Variants in AASDH observed in about 807,000 individuals in gnomAD.
AASDH encodes aminoadipate-semialdehyde dehydrogenase.
Under a neutral mutation model 102.3 loss-of-function variants are expected in AASDH, and 81 were observed. That is an observed-to-expected ratio of 0.79 (90% CI 0.66 to 0.95). AASDH has a LOEUF of 0.95. Ranked by LOEUF, AASDH falls within the 40% of genes least tolerant of loss-of-function variation. AASDH has a pLI of 0.00. For synonymous variants in AASDH, 398 were observed against 454.0 expected (o/e 0.88, Z 1.57); for missense variants, 1,203 against 1,266.2 (o/e 0.95, Z 0.76).
rs1748705549 is a variant in AASDH, at chr4:56,349,395, A to G, written c.2356T>C (p.Tyr786His). ...ATTCTATGAGAATGGGAACCAATGTACACAGTTGTAGATGACTTATCAAAA... is the reference window on the plus strand; with the variant it reads ...ATTCTATGAGAATGGGAACCAATGTGCACAGTTGTAGATGACTTATCAAAA... ...PTFDKSSTTVYIGSHSHRMKA... is the reference protein window; with the variant it reads ...PTFDKSSTTVHIGSHSHRMKA... Residue 786 changes from tyrosine (Y) to histidine (H), a missense_variant, in exon 11 of 15, where the codon TAC becomes CAC. Transcript: ENST00000205214. 1.2e-6 allele frequency: 2 copies of G among 1,614,094 alleles called. No individual in the cohort carries two copies. The highest frequency in any genetic ancestry group is 1.7e-5 in the Admixed American group (1 of 60,004).
At chr4:56,361,073 T>G (rs1229095735) in intron 5 of AASDH, among the ~76,000 whole-genome samples, 1 of 152,086 alleles carries the variant, frequency 6.6e-6, no homozygotes, top group Non-Finnish European at 1.5e-5. Flanking sequence ...AATATCAACT[T>G]TGAACTCAAT....
chr4:56,370,567 A>G (rs78254405), intron 5 of AASDH, among the ~76,000 whole-genome samples: 2,444 of 152,248 alleles, frequency 0.016, 75 homozygotes, highest in African/African-American at 0.055. Flanking sequence ...TGAGGACCCA[A>G]TGAAAAGACC....
intron 11 of AASDH, among the ~76,000 whole-genome samples, chr4:56,348,106 G>A (rs982551221): frequency 3.3e-5 from 5 of 150,690 alleles, no homozygotes; most frequent in African/African-American, 7.3e-5. Context: ...AACCAAGATC[G>A]CGCCACTGCA....
intron 5 of AASDH, among the ~76,000 whole-genome samples, chr4:56,366,480 T>C (rs866158344): frequency 6.6e-6 from 1 of 152,182 alleles, no homozygotes; most frequent in Non-Finnish European, 1.5e-5. Flanking sequence ...AATAAAATAC[T>C]GGCAAACCGA....
chr4:56,383,958 A>G, intron 2 of AASDH, 112 bp downstream of exon 2: 1 of 865,044 alleles, frequency 1.2e-6, no homozygotes, highest in Non-Finnish European at 1.8e-6. Context: ...ACAATTGACC[A>G]AACAATATAG....
Position 56,354,144 on chromosome 4 carries a change from T to C in AASDH, c.1278A>G (p.Thr426=), listed in dbSNP as rs1016341083. The C allele has an allele frequency of 1.2e-6, 2 of 1,613,190 alleles. No individual in the cohort carries two copies. The highest frequency in any genetic ancestry group is 2.7e-5 in the African/African-American group (2 of 75,034). Residue 426 remains threonine (T), a synonymous_variant, in exon 8 of 15, where the codon ACA becomes ACG. Transcript: ENST00000205214. ...VTVPLGTMRA[T]GDFVTVKDGE... is the part of the protein sequence containing the mutation. The stretch of plus-strand genomic sequence containing the variant: ...CATCTTTCACAGTCACAAAGTCTCC[T>C]GTAGCTCGCATTGTGCCAAGTGGTA...
chr4:56,377,587 A>T (rs932862713), intron 4 of AASDH, among the ~76,000 whole-genome samples: 1 of 152,188 alleles, frequency 6.6e-6, no homozygotes, highest in African/African-American at 2.4e-5. Context: ...TTTATTAATA[A>T]TTAAGATGCA....
chr4:56,375,622 A>C (rs1471526448), intron 4 of AASDH, among the ~76,000 whole-genome samples: 1 of 152,130 alleles, frequency 6.6e-6, no homozygotes, highest in Non-Finnish European at 1.5e-5. Flanking sequence ...GACCATTCTT[A>C]CCACTGCTGG....
chr4:56,371,859 A>G (rs1751753244), intron 4 of AASDH, among the ~76,000 whole-genome samples: 1 of 150,372 alleles, frequency 6.7e-6, no homozygotes, highest in African/African-American at 2.5e-5. Context: ...ACGTTTTACC[A>G]GACATATTTT....
At chr4:56,376,630 G>A (rs925238393) in intron 4 of AASDH, among the ~76,000 whole-genome samples, 11 of 152,056 alleles carry the variant, frequency 7.2e-5, no homozygotes, top group Non-Finnish European at 1.5e-4. Context: ...GCTAGTCCAC[G>A]TTGAGATGTG....
intron 5 of AASDH, among the ~76,000 whole-genome samples, chr4:56,362,850 T>C (rs1750476063): frequency 1.3e-5 from 2 of 152,042 alleles, no homozygotes; most frequent in African/African-American, 4.8e-5. Context: ...CCAACTGAGG[T>C]ACCAGGTTCA....
intron 5 of AASDH, among the ~76,000 whole-genome samples, chr4:56,365,214 T>C (rs868344778): frequency 2.6e-5 from 4 of 152,022 alleles, no homozygotes; most frequent in Admixed American, 6.6e-5. Context: ...CCCAGATTCA[T>C]AAAGCAAGTC....
At chr4:56,371,074 T>A (rs948237204) in intron 5 of AASDH, among the ~76,000 whole-genome samples, 1 of 152,114 alleles carries the variant, frequency 6.6e-6, no homozygotes, top group African/African-American at 2.4e-5. Context: ...AATAAGAAAA[T>A]CTATATTCCT....
At chr4:56,353,138 C>G (rs1749195240) in intron 9 of AASDH, among the ~76,000 whole-genome samples, 1 of 152,010 alleles carries the variant, frequency 6.6e-6, no homozygotes, top group Non-Finnish European at 1.5e-5. Context: ...GTGGCTGAAA[C>G]TACAGGCGCT....
chr4:56,353,592 G>A lies in AASDH; in HGVS notation c.1388C>T (p.Ala463Val), dbSNP rs775734162. Residue 463 changes from alanine to valine, a missense_variant, in exon 9 of 15, where the codon GCT (alanine) becomes GTT (valine). Transcript: ENST00000205214. ...RLNIELVQQV[A>V]EELQQVESCA... ...AGACTCCACTTGCTGAAGCTCTTCA[G>A]CAACCTATAAGAGAGATTATCCTAA... 6.2e-7 allele frequency: 1 copy of A among 1,608,072 alleles called. No homozygotes were observed. Among genetic ancestry groups the A allele is most frequent in the Admixed American group, 1.7e-5 (1 of 58,654 alleles).
At chr4:56,343,205 T>G (rs571125859) in intron 13 of AASDH, among the ~76,000 whole-genome samples, 49 of 152,200 alleles carry the variant, frequency 3.2e-4, no homozygotes, top group African/African-American at 1.2e-3. Flanking sequence ...CTAAGAGTTA[T>G]CCCTGTGATG....
rs137882573 is a variant in AASDH at position 56,361,555 on chromosome 4, T to C, written c.862-6132A>G. Among the ~76,000 whole-genome samples, 394 of 152,232 alleles carry C rather than the reference T, an allele frequency of 2.6e-3. 3 individuals are homozygous for C. The highest frequency in any genetic ancestry group is 8.9e-3 in the African/African-American group (369 of 41,544). On this transcript the variant is annotated intron_variant, in intron 5 of 14. Coordinates refer to ENST00000205214, the MANE Select transcript of AASDH (RefSeq NM_181806.4). ...TACAAAAATGAGACTTAGTAGATAA[T>C]AGAAAAAATAGGGAATGTTAAAATT...
At chr4:56,383,456 A>G (rs190642561) in intron 2 of AASDH, among the ~76,000 whole-genome samples, 19 of 152,304 alleles carry the variant, frequency 1.2e-4, no homozygotes, top group African/African-American at 3.4e-4. Context: ...TTATATTTAT[A>G]TAATTAATTT....
At chr4:56,384,447 A>G (rs1238392577) in intron 1 of AASDH, 106 bp from the exon 2 acceptor site, 1 of 599,986 alleles carries the variant, frequency 1.7e-6, no homozygotes, top group Admixed American at 3.0e-5. Context: ...TAATTATATC[A>G]AAGATATATA....
Sources: allele counts gnomAD v4.1 joint callset (sites outside exome capture counted in the v4.1 genomes callset), GRCh38; gene constraint gnomAD v4.1.1; transcripts MANE v1.5; gene names NCBI Gene and HGNC (gene_info 2026-07-23, HGNC 2026-07-21).